Variants in POLR3A observed in about 807,000 individuals in gnomAD.
The protein encoded by POLR3A is DNA-directed RNA polymerase III subunit RPC1.
Under a neutral mutation model 152.8 loss-of-function variants are expected in POLR3A, and 112 were observed. The ratio of observed to expected loss-of-function variants is 0.73; its 90% CI spans 0.63 to 0.86. The LOEUF is 0.86. Among genes scored for constraint, POLR3A ranks in the 40% least tolerant of loss-of-function variants. The pLI is 0.00. For missense variants in POLR3A, 1,385 were observed against 1,743.1 expected (o/e 0.79, Z 3.66); for synonymous variants, 615 against 652.1 (o/e 0.94, Z 0.87).
chr10:77,981,307 TTCTC>T (rs1209748121), intron 29 of POLR3A, 117 bp downstream of exon 29: 2 of 991,892 alleles, frequency 2.0e-6, no homozygotes, highest in African/African-American at 3.2e-5. Context: ...ACATCTTATT[TTCTC>T]TCTATGATGG....
intron 16 of POLR3A, among the ~76,000 whole-genome samples, chr10:78,004,377 C>A (rs948985855): frequency 2.0e-5 from 3 of 152,282 alleles, no homozygotes; most frequent in East Asian, 1.9e-4. Context: ...ACAGAAGGGA[C>A]CTGAGTGTGC....
chr10:77,992,896 T>A (rs566930503), intron 20 of POLR3A, among the ~76,000 whole-genome samples: 2 of 151,880 alleles, frequency 1.3e-5, no homozygotes, highest in African/African-American at 4.8e-5. Flanking sequence ...TTCTTTTTTT[T>A]ATAGAGACGG....
intron 16 of POLR3A, among the ~76,000 whole-genome samples, chr10:78,003,479 G>A (rs1847376692): frequency 6.6e-6 from 1 of 152,200 alleles, no homozygotes; most frequent in Non-Finnish European, 1.5e-5. Context: ...GGTTCTCACA[G>A]GCTGGTGGTG....
At chr10:78,025,297 C>G (rs771781738) in intron 3 of POLR3A, among the ~76,000 whole-genome samples, 155 bp from the exon 4 acceptor site, 24 of 152,128 alleles carry the variant, frequency 1.6e-4, no homozygotes, top group Non-Finnish European at 3.4e-4. Context: ...AGAGAGGAAG[C>G]CTGTGTTCAC....
At chr10:77,982,037 TC>T (rs1466663445) in intron 28 of POLR3A, 116 bp downstream of exon 28, 8 of 456,118 alleles carry the variant, frequency 1.8e-5, no homozygotes, top group Non-Finnish European at 2.7e-5. Context: ...AGACTCCATC[TC>T]AAAAAAAAAA....
chr10:78,012,114 C>T (rs967822718), intron 11 of POLR3A, among the ~76,000 whole-genome samples: 2 of 152,184 alleles, frequency 1.3e-5, no homozygotes, highest in Admixed American at 6.5e-5. Flanking sequence ...CCTGTAATCC[C>T]AGCATCTGGG....
At chr10:78,016,422 A>C (rs1487133675) in intron 10 of POLR3A, among the ~76,000 whole-genome samples, 2 of 151,336 alleles carry the variant, frequency 1.3e-5, no homozygotes, top group African/African-American at 4.9e-5. Context: ...AAAAAAAAAA[A>C]AAAAAAAAAG....
intron 11 of POLR3A, among the ~76,000 whole-genome samples, chr10:78,011,869 A>C (rs1173494899): frequency 6.6e-6 from 1 of 152,210 alleles, no homozygotes; most frequent in Non-Finnish European, 1.5e-5. Context: ...CTTCTACCCC[A>C]AAATCCTTGG....
chr10:78,027,418 G>C (rs1437824397), intron 1 of POLR3A, among the ~76,000 whole-genome samples: 4 of 151,994 alleles, frequency 2.6e-5, no homozygotes, highest in Non-Finnish European at 5.9e-5. Context: ...CCAGCACTTT[G>C]GGAGGCCAAG....
intron 29 of POLR3A, 22 bp downstream of exon 29, chr10:77,981,406 C>G: frequency 1.2e-6 from 2 of 1,613,030 alleles, no homozygotes; most frequent in Non-Finnish European, 1.7e-6. Context: ...CCAGGCAGCC[C>G]GGGGGCCTCC....
chr10:78,000,235 A>C, intron 18 of POLR3A, 117 bp from the exon 19 acceptor site: 2 of 838,444 alleles, frequency 2.4e-6, no homozygotes, highest in East Asian at 5.3e-5. Flanking sequence ...TGGCCAGTAT[A>C]TTCTCACTAA....
rs780780401 is a variant in POLR3A at position 78,010,558 on chromosome 10, G to T, written c.1573-18C>A. The T allele has an allele frequency of 5.6e-6, 9 of 1,601,068 alleles. No individual in the cohort carries two copies. In the African/African-American group the frequency reaches 1.2e-4, roughly 21 times the overall value. On this transcript the variant is annotated intron_variant, in intron 11 of 30. Coordinates refer to ENST00000372371, the MANE Select transcript of POLR3A (RefSeq NM_007055.4). ...GCTTTAGTCTGTAGGAAAAGTAAGC[G>T]CAGTCAGTTAGCTGTTCTCGGATGC...
At chr10:78,017,382 G>C (rs1210780487) in intron 10 of POLR3A, among the ~76,000 whole-genome samples, 193 bp downstream of exon 10, 1 of 152,008 alleles carries the variant, frequency 6.6e-6, no homozygotes, top group African/African-American at 2.4e-5. Context: ...GGGAGGTCCA[G>C]GTTGCAGTGA....
chr10:77,987,232 T>G (rs1191653702), intron 21 of POLR3A, among the ~76,000 whole-genome samples: 5 of 152,140 alleles, frequency 3.3e-5, no homozygotes, highest in Admixed American at 6.5e-5. Flanking sequence ...TATCCTGCCA[T>G]CCCGGGAGCT....
chr10:77,993,493 G>C (rs1427146126), intron 19 of POLR3A, 126 bp from the exon 20 acceptor site: 1 of 745,320 alleles, frequency 1.3e-6, no homozygotes, highest in Non-Finnish European at 2.3e-6. Context: ...TACTTTATTA[G>C]AAACCCTTTA....
Position 78,007,777 on chromosome 10 carries a change from A to C in POLR3A, c.1999T>G (p.Leu667Val), listed in dbSNP as rs201390524. The change falls in exon 15 of 31, where the codon TTG (leucine) becomes GTG (valine). Residue 667 changes from leucine to valine, a missense_variant. Physicochemically the swap from Leu to Val is conservative, Grantham distance 32 (BLOSUM62 1). Around this residue, in one of 7 missense-constraint regions of POLR3A, gnomAD observed 188 missense variants for 179.9 expected, o/e 1.04. Transcript: ENST00000372371. ...SGSKNNIFYILLRDWGQNEAA... is the reference protein window; with the variant it reads ...SGSKNNIFYIVLRDWGQNEAA... ...TCATTCTGTCCCCAGTCTCGCAGCA[A>C]AATGTAAAAAATATTGTTCTTGGAT... The C allele has an allele frequency of 3.6e-5, 58 of 1,614,124 alleles. No individual in the cohort carries two copies. In the Admixed American group the frequency reaches 6.8e-4, roughly 19 times the overall value.
At chr10:78,008,423 T>C (rs898298527) in intron 14 of POLR3A, among the ~76,000 whole-genome samples, 2 of 152,108 alleles carry the variant, frequency 1.3e-5, no homozygotes, top group Non-Finnish European at 2.9e-5. Flanking sequence ...TTCAAAACAT[T>C]TGCTCTTCAT....
In POLR3A at chr10:77,981,677, G is replaced by A. The variant is rs558739190; in HGVS notation, c.3760-118C>T. ...AAACCCTGTGCCGTTTTCCAGAAAT[G>A]GATTGCTGGGCAATTTTCAGTTGCA... On this transcript the variant is annotated intron_variant, in intron 28 of 30. Transcript: ENST00000372371. 4 of 1,259,584 alleles carry A rather than the reference G, an allele frequency of 3.2e-6. No individual in the cohort carries two copies. In the South Asian group the frequency reaches 4.8e-5, roughly 15 times the overall value. 78.0% of individuals were successfully genotyped at this position (1,259,584 alleles called of 1,614,324 possible).
At position 78,025,991 on chromosome 10, in the gene POLR3A, A is replaced by G. The variant is rs1267143148; in HGVS notation, c.180+103T>C. 5 of 1,416,502 alleles carry G rather than the reference A, an allele frequency of 3.5e-6. No individual in the cohort carries two copies. The East Asian group carries it at 6.8e-5, about 19-fold the overall frequency. The allele number at this position is 1,416,502 out of a possible 1,614,324, so 87.7% of individuals were successfully genotyped here. A position where few individuals can be genotyped will look rare whatever the true frequency, so the allele number is the denominator to read the frequency against. ...CCTAGTCTAATATGTGCAGGGGGGA[A>G]TTGAGGAGATGGAAGGAAGCCCCTG... is the stretch of plus-strand genomic sequence containing the variant. On this transcript the variant is annotated intron_variant, in intron 2 of 30. Coordinates refer to ENST00000372371, the MANE Select transcript of POLR3A (RefSeq NM_007055.4).
Sources: allele counts gnomAD v4.1 joint callset (sites outside exome capture counted in the v4.1 genomes callset), GRCh38; gene constraint gnomAD v4.1.1; regional missense constraint gnomAD v4.1.1; transcripts MANE v1.5; gene names NCBI Gene and HGNC (gene_info 2026-07-23, HGNC 2026-07-21).